The following PCDHA7 variants were observed in gnomAD, a reference collection of about 807,000 sequenced individuals.
The protein encoded by PCDHA7 is protocadherin alpha 7, also known as protocadherin alpha-7.
Under a neutral mutation model 57.2 loss-of-function variants are expected in PCDHA7, and 37 were observed. The ratio of observed to expected loss-of-function variants is 0.65; its 90% CI spans 0.50 to 0.85. The LOEUF (loss-of-function observed/expected upper bound fraction) is 0.85. Among genes scored for constraint, PCDHA7 ranks in the 40% least tolerant of loss-of-function variants. The pLI, the probability that PCDHA7 is intolerant of heterozygous loss-of-function variation, is 0.00. For synonymous variants in PCDHA7, 553 were observed against 558.8 expected (o/e 0.99, Z 0.15); for missense variants, 1,188 against 1,241.8 (o/e 0.96, Z 0.65).
Position 140,836,520 on chromosome 5 carries a change from C to T in PCDHA7, c.2137C>T (p.Leu713Phe), listed in dbSNP as rs1450136766. ...CTGCGCGGTGTCCAGTCTGTTGGTG[C>T]TTACCCTGCTGCTGTACACGGCGTT... The part of the protein sequence containing the change: ...AICAVSSLLV[L>F]TLLLYTALRC... Residue 713 changes from leucine to phenylalanine, a missense_variant, in exon 1 of 4, where the codon CTT (leucine) becomes TTT (phenylalanine). Leu to Phe is a conservative substitution (Grantham distance 22). Around this residue, in one of 3 missense-constraint regions of PCDHA7, gnomAD observed 892 missense variants for 788.5 expected, o/e 1.13. Transcript: ENST00000525929. 1.2e-6 allele frequency: 2 copies of T among 1,613,738 alleles called. No individual in the cohort carries two copies. Among genetic ancestry groups the T allele is most frequent in the Admixed American group, 1.7e-5 (1 of 59,996 alleles).
chr5:140,971,165 G>A (rs1390176241), intron 1 of PCDHA7, among the ~76,000 whole-genome samples: 1 of 152,136 alleles, frequency 6.6e-6, no homozygotes, highest in Non-Finnish European at 1.5e-5. Context: ...GCTCAGCTTT[G>A]CCACCAGCTG....
intron 1 of PCDHA7, chr5:140,884,726 T>A: frequency 6.9e-7 from 1 of 1,455,756 alleles, no homozygotes; most frequent in Non-Finnish European, 9.1e-7. Flanking sequence ...GTTGTTTGTT[T>A]AAGACATCTT....
intron 1 of PCDHA7, among the ~76,000 whole-genome samples, chr5:140,888,256 C>A (rs1454353322): frequency 6.6e-6 from 1 of 151,942 alleles, no homozygotes; most frequent in African/African-American, 2.4e-5. Context: ...AGCAGTAGTT[C>A]TTGATAAGAA....
At chr5:140,988,169 A>G (rs1384072642) in intron 3 of PCDHA7, among the ~76,000 whole-genome samples, 3 of 152,128 alleles carry the variant, frequency 2.0e-5, no homozygotes. Flanking sequence ...TGTCATAGCA[A>G]TGACAGTCCT....
chr5:140,870,915 G>A (rs1554164824), intron 1 of PCDHA7: 4 of 1,613,830 alleles, frequency 2.5e-6, no homozygotes, highest in Non-Finnish European at 3.4e-6. Flanking sequence ...GCTACAACGC[G>A]TGGCTTTCAT....
intron 1 of PCDHA7, among the ~76,000 whole-genome samples, chr5:140,952,645 G>A (rs1396823510): frequency 6.6e-6 from 1 of 152,082 alleles, no homozygotes; most frequent in Non-Finnish European, 1.5e-5. Context: ...ACCTGTGCCT[G>A]GTTACCCAGT....
intron 1 of PCDHA7, among the ~76,000 whole-genome samples, chr5:140,886,846 AAG>A (rs1345370045): frequency 2.0e-5 from 3 of 151,444 alleles, no homozygotes; most frequent in Admixed American, 6.6e-5. Context: ...AAAAAAAAAA[AAG>A]AAAGGTCTTC....
chr5:140,894,790 T>G lies in PCDHA7; in HGVS notation c.2355+58052T>G, dbSNP rs943284227. On this transcript the variant is annotated intron_variant, in intron 1 of 3. Coordinates refer to ENST00000525929, the MANE Select transcript of PCDHA7 (RefSeq NM_018910.3). ...TCCTTTAGTGTAATTATTTGTCCTC[T>G]CCTTTAAAAATAATTTTATATCAGA... Among the ~76,000 whole-genome samples, 13 of 152,282 alleles carry G rather than the reference T, an allele frequency of 8.5e-5. No individual in the cohort carries two copies. The South Asian group carries it at 2.5e-3, about 29-fold the overall frequency.
At position 140,928,406 on chromosome 5, in the gene PCDHA7, G is replaced by T. The variant is rs782285182; in HGVS notation, c.2356-50543G>T. On this transcript the variant is annotated intron_variant, in intron 1 of 3. Coordinates refer to ENST00000525929, the MANE Select transcript of PCDHA7 (RefSeq NM_018910.3). ...TTGCTGGCAGTGGAATCATCCAGTG[G>T]GGCCATCACTGCCAAAACTTCCTTT... 3 of 1,614,050 alleles carry T rather than the reference G, an allele frequency of 1.9e-6. No individual in the cohort carries two copies. The Admixed American group carries it at 5.0e-5, about 27-fold the overall frequency.
At chr5:141,001,974 C>T (rs1375819013) in intron 3 of PCDHA7, among the ~76,000 whole-genome samples, 1 of 152,136 alleles carries the variant, frequency 6.6e-6, no homozygotes, top group African/African-American at 2.4e-5. Flanking sequence ...TGTCTCTGCG[C>T]GGAAAGCCTG....
intron 1 of PCDHA7, among the ~76,000 whole-genome samples, chr5:140,908,385 G>A (rs1318647483): frequency 6.6e-6 from 1 of 152,222 alleles, no homozygotes. Context: ...GCTCGAGCCC[G>A]ATCACATATA....
chr5:140,919,926 TG>T (rs1366281727), intron 1 of PCDHA7, among the ~76,000 whole-genome samples: 3 of 152,088 alleles, frequency 2.0e-5, no homozygotes, highest in African/African-American at 7.2e-5. Flanking sequence ...AATTTTCAGG[TG>T]GGGGCTAATT....
At chr5:140,969,228 G>A in intron 1 of PCDHA7, 1 of 1,614,176 alleles carries the variant, frequency 6.2e-7, no homozygotes, top group Non-Finnish European at 8.5e-7. Flanking sequence ...GGGCCTTCGG[G>A]AGCCCAAGCA....
At chr5:140,871,082 C>G in intron 1 of PCDHA7, 1 of 1,613,246 alleles carries the variant, frequency 6.2e-7, no homozygotes, top group South Asian at 1.1e-5. Context: ...GCGCTGACGG[C>G]CACGGCCACC....
intron 1 of PCDHA7, chr5:140,863,174 C>T (rs781864500): frequency 1.4e-6 from 1 of 714,706 alleles, no homozygotes; most frequent in East Asian, 4.3e-5. Context: ...GCGCTGACTG[C>T]CACCGTCACC....
intron 1 of PCDHA7, among the ~76,000 whole-genome samples, chr5:140,978,369 A>G (rs1015473344): frequency 6.6e-6 from 1 of 152,196 alleles, no homozygotes; most frequent in Non-Finnish European, 1.5e-5. Flanking sequence ...CAAACTCTGC[A>G]ATAGTTTGTT....
intron 1 of PCDHA7, among the ~76,000 whole-genome samples, chr5:140,873,578 G>A (rs1175903601): frequency 6.8e-5 from 8 of 117,146 alleles, no homozygotes; most frequent in Non-Finnish European, 1.4e-4. Flanking sequence ...GGTTGTTTAA[G>A]TATTAAGCTA....
At chr5:140,882,577 C>A (rs370671644) in intron 1 of PCDHA7, 3 of 1,614,238 alleles carry the variant, frequency 1.9e-6, no homozygotes, top group South Asian at 2.2e-5. Flanking sequence ...CGGAGTGCAG[C>A]ATCCACCTGG....
chr5:141,007,517 G>A (rs2098333696), intron 3 of PCDHA7, among the ~76,000 whole-genome samples: 1 of 151,984 alleles, frequency 6.6e-6, no homozygotes, highest in African/African-American at 2.4e-5. Flanking sequence ...GCAGTGAGCT[G>A]ATATCTCGCC....
Sources: gnomAD v4.1 joint callset for allele counts (sites outside exome capture counted in the v4.1 genomes callset) on GRCh38, gnomAD v4.1.1 for gene constraint, gnomAD v4.1.1 regional missense constraint, MANE v1.5 for transcripts, NCBI Gene and HGNC (gene_info 2026-07-23, HGNC 2026-07-21) for gene names.